ANGPT1: variants seen among roughly 807,000 people sequenced by gnomAD.
ANGPT1 encodes angiopoietin-1.
ANGPT1 carries 17 observed loss-of-function variants against 62.2 expected under a neutral mutation model. The ratio of observed to expected loss-of-function variants is 0.27; its 90% CI spans 0.19 to 0.41. The LOEUF (loss-of-function observed/expected upper bound fraction) is 0.41, where lower values mean the gene tolerates loss of function less well. ANGPT1 is among the 10% of genes least tolerant of loss of function. The probability of loss-of-function intolerance (pLI) is 1.00; values close to 1 mark genes in which losing one functional copy is unlikely to be tolerated. For missense variants in ANGPT1, 478 were observed against 594.9 expected (o/e 0.80, Z 2.04); for synonymous variants, 199 against 198.9 (o/e 1.00, Z 0.00).
At chr8:107,331,495 C>T in intron 3 of ANGPT1, among the ~76,000 whole-genome samples, 1 of 152,010 alleles carries the variant, frequency 6.6e-6, no homozygotes, top group East Asian at 1.9e-4. Flanking sequence ...TACTTGAGGC[C>T]TCATCACATT....
chr8:107,407,121 C>A (rs1817164748), intron 1 of ANGPT1, among the ~76,000 whole-genome samples: 1 of 152,148 alleles, frequency 6.6e-6, no homozygotes, highest in South Asian at 2.1e-4. Flanking sequence ...GACGCTTCCA[C>A]AGATTTGACC....
At chr8:107,432,661 C>T (rs1811223102) in intron 1 of ANGPT1, among the ~76,000 whole-genome samples, 1 of 136,580 alleles carries the variant, frequency 7.3e-6, no homozygotes, top group African/African-American at 2.7e-5. Flanking sequence ...GAGACTCCAT[C>T]TCAAAAAAAA....
intron 5 of ANGPT1, chr8:107,294,301 G>T (rs10096130): frequency 0.03 from 8,612 of 291,710 alleles, 275 homozygotes; most frequent in African/African-American, 0.095. Context: ...CTTTGTCTCA[G>T]ACTATACAAC....
intron 7 of ANGPT1, among the ~76,000 whole-genome samples, chr8:107,265,722 T>G (rs897196069): frequency 4.6e-5 from 7 of 152,162 alleles, no homozygotes; most frequent in Non-Finnish European, 8.8e-5. Context: ...AATGGGTGAT[T>G]CACATCTCTG....
intron 8 of ANGPT1, among the ~76,000 whole-genome samples, chr8:107,260,084 T>C (rs1221369396): frequency 6.6e-6 from 1 of 152,134 alleles, no homozygotes; most frequent in Non-Finnish European, 1.5e-5. Context: ...CCCCTTAAAC[T>C]GATAGAAGAA....
chr8:107,277,257 C>A (rs1021585978), intron 7 of ANGPT1, among the ~76,000 whole-genome samples: 2 of 151,888 alleles, frequency 1.3e-5, no homozygotes, highest in Non-Finnish European at 2.9e-5. Context: ...AAACTGTTCC[C>A]AAGATCTGAA....
chr8:107,312,602 T>G (rs1035672993), intron 4 of ANGPT1, among the ~76,000 whole-genome samples: 3 of 152,218 alleles, frequency 2.0e-5, no homozygotes, highest in Admixed American at 6.5e-5. Flanking sequence ...TGGTGTGATA[T>G]ACTTAAAGAA....
At chr8:107,440,251 G>A (rs943073629) in intron 1 of ANGPT1, among the ~76,000 whole-genome samples, 1 of 152,150 alleles carries the variant, frequency 6.6e-6, no homozygotes, top group African/African-American at 2.4e-5. Flanking sequence ...AACCACAGAA[G>A]ATGATTAAAA....
intron 3 of ANGPT1, among the ~76,000 whole-genome samples, chr8:107,335,008 T>A (rs1008709326): frequency 1.3e-5 from 2 of 152,246 alleles, no homozygotes; most frequent in African/African-American, 4.8e-5. Flanking sequence ...AGGTTTGTAT[T>A]TTTCATGCAG....
At chr8:107,440,441 G>T (rs1402660128) in intron 1 of ANGPT1, among the ~76,000 whole-genome samples, 1 of 152,010 alleles carries the variant, frequency 6.6e-6, no homozygotes, top group Non-Finnish European at 1.5e-5. Flanking sequence ...CATGGTCAAG[G>T]TTATTGAGCA....
At chr8:107,480,615 C>T (rs1251677496) in intron 1 of ANGPT1, among the ~76,000 whole-genome samples, 1 of 152,176 alleles carries the variant, frequency 6.6e-6, no homozygotes, top group Non-Finnish European at 1.5e-5. Flanking sequence ...TGACTAACAG[C>T]ATGAACAATA....
chr8:107,469,489 C>A (rs1432390642), intron 1 of ANGPT1, among the ~76,000 whole-genome samples: 2 of 151,948 alleles, frequency 1.3e-5, no homozygotes, highest in Non-Finnish European at 2.9e-5. Context: ...ATAAATGCAA[C>A]CTTGGAGAAC....
chr8:107,360,087 C>T (rs1816129980), intron 1 of ANGPT1, among the ~76,000 whole-genome samples: 1 of 152,164 alleles, frequency 6.6e-6, no homozygotes, highest in Non-Finnish European at 1.5e-5. Context: ...TCTAGTCTTA[C>T]TCCCTACCTG....
intron 1 of ANGPT1, among the ~76,000 whole-genome samples, chr8:107,445,955 T>C (rs1811604915): frequency 6.6e-6 from 1 of 152,200 alleles, no homozygotes; most frequent in Non-Finnish European, 1.5e-5. Flanking sequence ...TCTAGCTCTG[T>C]CACCCAGGCT....
chr8:107,321,569 T>C (rs1815149818), intron 4 of ANGPT1, among the ~76,000 whole-genome samples: 1 of 152,156 alleles, frequency 6.6e-6, no homozygotes, highest in African/African-American at 2.4e-5. Context: ...CTGTCCTATA[T>C]ATAGTTAAGT....
intron 4 of ANGPT1, among the ~76,000 whole-genome samples, chr8:107,317,144 A>G (rs1473341119): frequency 1.3e-5 from 2 of 152,188 alleles, no homozygotes; most frequent in Non-Finnish European, 2.9e-5. Flanking sequence ...CCCTAGGCTC[A>G]CTTCTAGCAA....
chr8:107,351,505 T>C (rs542129618), intron 1 of ANGPT1, among the ~76,000 whole-genome samples: 1 of 152,042 alleles, frequency 6.6e-6, no homozygotes, highest in Non-Finnish European at 1.5e-5. Context: ...GGATGATTAG[T>C]TGACTGATAA....
At position 107,375,496 on chromosome 8, in the gene ANGPT1, G is replaced by C. The variant is rs919294201; in HGVS notation, c.298-28399C>G. Among the ~76,000 whole-genome samples the C allele has an allele frequency of 4.6e-5, 7 of 152,222 alleles. No homozygotes were observed. In the East Asian group the frequency reaches 1.2e-3, roughly 25 times the overall value. ...ATTTTGCTGAAGTATAAAGCCTAGT[G>C]CTGAAGTGTAAGAAGGCCAGCCAAT... On this transcript the variant is annotated intron_variant, in intron 1 of 8. Transcript: ENST00000517746.
chr8:107,346,792 T>C, intron 2 of ANGPT1, 150 bp downstream of exon 2: 1 of 687,080 alleles, frequency 1.5e-6, no homozygotes. Flanking sequence ...ACGCATAGCA[T>C]GTCAGGCAGT....
Sources: gnomAD v4.1 joint callset for allele counts (sites outside exome capture counted in the v4.1 genomes callset) on GRCh38, gnomAD v4.1.1 for gene constraint, MANE v1.5 for transcripts, NCBI Gene and HGNC (gene_info 2026-07-23, HGNC 2026-07-21) for gene names.